FAAH2: variants seen among roughly 807,000 people sequenced by gnomAD.
FAAH2 encodes fatty acid amide hydrolase 2, also known as fatty-acid amide hydrolase 2.
FAAH2 carries 60 observed loss-of-function variants against 36.9 expected under a neutral mutation model. That is an observed-to-expected ratio of 1.63 (90% CI 1.32 to 2.02). The LOEUF (loss-of-function observed/expected upper bound fraction) is 2.02, where lower values mean the gene tolerates loss of function less well. Ranked by LOEUF, FAAH2 falls within the 30% of genes most tolerant of loss-of-function variation. FAAH2 has a pLI of 0.00. For missense variants in FAAH2, 689 were observed against 397.5 expected (o/e 1.73, Z -6.23); for synonymous variants, 214 against 143.8 (o/e 1.49, Z -3.49).
chrX:57,433,688 G>C lies in FAAH2; in HGVS notation c.1116+1651G>C, dbSNP rs780362011. On this transcript the variant is annotated intron_variant, in intron 8 of 10. Transcript: ENST00000374900. The stretch of plus-strand genomic sequence containing the variant: ...TACTTTAAACTATAGTCACCCAATT[G>C]TGCTATCAAACACTAGACCTTATTT... 4.5e-4 allele frequency among the ~76,000 whole-genome samples: 50 copies of C among 111,863 alleles called. 1 individual carries two copies. The highest frequency in any genetic ancestry group is 1.5e-3 in the African/African-American group (45 of 30,903).
chrX:57,450,638 C>A (rs779829799), intron 10 of FAAH2, among the ~76,000 whole-genome samples: 2 of 110,849 alleles, frequency 1.8e-5, no homozygotes, highest in South Asian at 3.8e-4. Context: ...CTGAGAAATA[C>A]CCCTCTCAGT....
At chrX:57,370,539 A>G (rs950012435) in intron 5 of FAAH2, among the ~76,000 whole-genome samples, 1 of 111,776 alleles carries the variant, frequency 8.9e-6, no homozygotes, top group African/African-American at 3.3e-5. Flanking sequence ...GACTTCATTC[A>G]CTTTCAGCAA....
the FAAH2 span, among the ~76,000 whole-genome samples, chrX:57,250,144 T>C: frequency 8.9e-6 from 1 of 112,044 alleles, no homozygotes; most frequent in Non-Finnish European, 1.9e-5. Context: ...AATTGGAAGT[T>C]GGATACAGCA....
intron 2 of FAAH2, among the ~76,000 whole-genome samples, chrX:57,296,751 G>A (rs767468403): frequency 9.0e-5 from 10 of 111,684 alleles, no homozygotes; most frequent in African/African-American, 2.6e-4. Flanking sequence ...AGGCAGAGAA[G>A]TCCTTAAAGG....
the FAAH2 span, among the ~76,000 whole-genome samples, chrX:57,233,725 C>T: frequency 1.9e-4 from 21 of 112,674 alleles, no homozygotes; most frequent in Admixed American, 1.9e-3. Context: ...CTGCAACCTC[C>T]GACTCCTGGA....
At chrX:57,425,094 C>T (rs940724358) in intron 7 of FAAH2, among the ~76,000 whole-genome samples, 3 of 110,927 alleles carry the variant, frequency 2.7e-5, no homozygotes, top group Non-Finnish European at 5.7e-5. Context: ...ACAATTAAAA[C>T]CTTCAACAGT....
chrX:57,442,710 G>A (rs1395709526), intron 8 of FAAH2, among the ~76,000 whole-genome samples: 1 of 112,071 alleles, frequency 8.9e-6, no homozygotes. Context: ...AGCATTGACA[G>A]TTTTTACAAT....
the FAAH2 span, among the ~76,000 whole-genome samples, chrX:57,257,259 A>G: frequency 8.9e-6 from 1 of 112,366 alleles, no homozygotes; most frequent in Non-Finnish European, 1.9e-5. Flanking sequence ...TTATTGTGGT[A>G]CTATTCAGAA....
At chrX:57,332,440 A>G (rs899869665) in intron 4 of FAAH2, among the ~76,000 whole-genome samples, 3 of 112,249 alleles carry the variant, frequency 2.7e-5, no homozygotes, top group Non-Finnish European at 5.6e-5. Flanking sequence ...GTTAATGACA[A>G]TTCTTAAATT....
the FAAH2 span, among the ~76,000 whole-genome samples, chrX:57,221,831 A>G: frequency 9.1e-6 from 1 of 109,419 alleles, no homozygotes; most frequent in Non-Finnish European, 1.9e-5. Flanking sequence ...CCTGGTGCAT[A>G]CTACCTCAAG....
At chrX:57,311,499 G>A (rs1160560288) in intron 3 of FAAH2, among the ~76,000 whole-genome samples, 1 of 111,818 alleles carries the variant, frequency 8.9e-6, no homozygotes, top group Non-Finnish European at 1.9e-5. Flanking sequence ...GCAGAGATGG[G>A]CCTTCAGAGG....
chrX:57,486,111 C>T (rs1054064083), intron 10 of FAAH2, among the ~76,000 whole-genome samples: 1 of 111,847 alleles, frequency 8.9e-6, no homozygotes, highest in African/African-American at 3.3e-5. Flanking sequence ...GATTGCATTG[C>T]ATGCTGCCTT....
chrX:57,372,486 T>C (rs2054576347), intron 5 of FAAH2, among the ~76,000 whole-genome samples: 1 of 111,104 alleles, frequency 9.0e-6, no homozygotes, highest in Admixed American at 9.6e-5. Flanking sequence ...CTTGTTCACT[T>C]TTTCATGGGG....
chrX:57,251,479 G>A, the FAAH2 span, among the ~76,000 whole-genome samples: 8 of 111,360 alleles, frequency 7.2e-5, no homozygotes, highest in Non-Finnish European at 1.5e-4. Flanking sequence ...TCAATTCAAC[G>A]CAGTACTAAA....
chrX:57,246,871 T>C, the FAAH2 span, among the ~76,000 whole-genome samples: 1 of 111,755 alleles, frequency 8.9e-6, no homozygotes, highest in East Asian at 2.8e-4. Flanking sequence ...TTTAGTGGGT[T>C]GAGCTGCAGT....
At chrX:57,274,362 C>T in the FAAH2 span, among the ~76,000 whole-genome samples, 1 of 112,155 alleles carries the variant, frequency 8.9e-6, no homozygotes, top group Non-Finnish European at 1.9e-5. Context: ...CCTTCTGAAA[C>T]TATTCCAATC....
At chrX:57,380,428 T>G (rs951458021) in intron 6 of FAAH2, among the ~76,000 whole-genome samples, 11 of 111,800 alleles carry the variant, frequency 9.8e-5, no homozygotes, top group Admixed American at 8.6e-4. Flanking sequence ...GATATTATTT[T>G]TCTTTCAAGC....
intron 4 of FAAH2, among the ~76,000 whole-genome samples, chrX:57,340,491 C>A (rs965071118): frequency 2.7e-5 from 3 of 112,090 alleles, no homozygotes; most frequent in Non-Finnish European, 5.6e-5. Context: ...TACATGCACA[C>A]ATATGTTCAT....
At chrX:57,155,495 G>A in the FAAH2 span, among the ~76,000 whole-genome samples, 5 of 112,198 alleles carry the variant, frequency 4.5e-5, no homozygotes, top group Non-Finnish European at 9.4e-5. Flanking sequence ...AAAAAGGCTA[G>A]TCTCACTCCC....
Sources: gnomAD v4.1 joint callset for allele counts (sites outside exome capture counted in the v4.1 genomes callset) on GRCh38, gnomAD v4.1.1 for gene constraint, MANE v1.5 for transcripts, NCBI Gene and HGNC (gene_info 2026-07-23, HGNC 2026-07-21) for gene names.